Variants in CAMK1D observed in about 807,000 individuals in gnomAD.
The protein encoded by CAMK1D is calcium/calmodulin dependent protein kinase ID.
A neutral mutation model predicts 47.7 loss-of-function variants in CAMK1D; 9 were observed. The observed-to-expected ratio is 0.19, with a 90% CI of 0.11 to 0.33. The LOEUF (loss-of-function observed/expected upper bound fraction) is 0.33. Among genes scored for constraint, CAMK1D ranks in the 10% least tolerant of loss-of-function variants. The pLI is 1.00. For synonymous variants in CAMK1D, 184 were observed against 184.9 expected (o/e 0.99, Z 0.04); for missense variants, 291 against 488.7 (o/e 0.60, Z 3.81).
At chr10:12,382,840 C>T (rs2131876059) in intron 1 of CAMK1D, among the ~76,000 whole-genome samples, 1 of 152,182 alleles carries the variant, frequency 6.6e-6, no homozygotes, top group African/African-American at 2.4e-5. Context: ...AACAAACAAA[C>T]AAACATGACT....
chr10:12,439,265 C>T (rs1398880901), intron 1 of CAMK1D, among the ~76,000 whole-genome samples: 2 of 152,224 alleles, frequency 1.3e-5, no homozygotes, highest in Non-Finnish European at 2.9e-5. Flanking sequence ...GCATACGTCT[C>T]AGAGCCCTGA....
intron 3 of CAMK1D, among the ~76,000 whole-genome samples, chr10:12,694,154 T>A (rs1279674323): frequency 3.5e-5 from 2 of 57,106 alleles, no homozygotes; most frequent in African/African-American, 1.7e-4. Context: ...TAATATATAA[T>A]ATATATTATG....
intron 5 of CAMK1D, among the ~76,000 whole-genome samples, chr10:12,770,336 A>G (rs1487140732): frequency 6.6e-6 from 1 of 152,242 alleles, no homozygotes; most frequent in African/African-American, 2.4e-5. Flanking sequence ...TTTGTACTAA[A>G]CATCCAAAAT....
intron 3 of CAMK1D, among the ~76,000 whole-genome samples, chr10:12,667,404 A>G (rs1234816470): frequency 2.0e-5 from 3 of 152,284 alleles, no homozygotes; most frequent in African/African-American, 7.2e-5. Context: ...GATTACCAAA[A>G]GAGGGAAGAA....
At chr10:12,818,764 A>G (rs1832905678) in intron 8 of CAMK1D, among the ~76,000 whole-genome samples, 2 of 152,234 alleles carry the variant, frequency 1.3e-5, no homozygotes, top group South Asian at 2.1e-4. Flanking sequence ...TCTGATTCCA[A>G]AATGAATTCC....
chr10:12,563,669 G>A lies in CAMK1D; in HGVS notation c.224+10313G>A, dbSNP rs1837019711. Among the ~76,000 whole-genome samples the A allele has an allele frequency of 1.3e-4, 12 of 94,340 alleles. No homozygotes were observed. In the South Asian group the frequency reaches 3.1e-3, roughly 24 times the overall value. 61.9% of individuals were successfully genotyped at this position (94,340 alleles called of 152,430 possible). On this transcript the variant is annotated intron_variant, in intron 2 of 10. Transcript: ENST00000619168. Reference sequence around the variant, plus strand: ...TCCAGAAGAGGCGGAAGGTTTGAGAGAGAGAGAGAGAGAGAGAGAGAGAGA... The same window carrying A: ...TCCAGAAGAGGCGGAAGGTTTGAGAAAGAGAGAGAGAGAGAGAGAGAGAGA...
At chr10:12,509,762 G>C (rs1834986421) in intron 1 of CAMK1D, among the ~76,000 whole-genome samples, 1 of 152,126 alleles carries the variant, frequency 6.6e-6, no homozygotes, top group Admixed American at 6.5e-5. Flanking sequence ...AAAAGAATGT[G>C]ACTTCTAAGT....
At position 12,749,362 on chromosome 10, in the gene CAMK1D, A is replaced by G. The variant is rs555711259; in HGVS notation, c.300-11586A>G. ...GTTGTTAAAAATGTTGTCTTGTTGCAGTGTTCCCATTCGGTGTCACGTCGT... is the reference window on the plus strand; with the variant it reads ...GTTGTTAAAAATGTTGTCTTGTTGCGGTGTTCCCATTCGGTGTCACGTCGT... On this transcript the variant is annotated intron_variant, in intron 3 of 10. Transcript: ENST00000619168. Among the ~76,000 whole-genome samples the G allele has an allele frequency of 3.4e-3, 506 of 150,076 alleles. 1 individual carries two copies. Among genetic ancestry groups the G allele is most frequent in the African/African-American group, 0.012 (482 of 40,976 alleles).
chr10:12,350,210 C>T (rs1208143692), intron 1 of CAMK1D, among the ~76,000 whole-genome samples: 1 of 152,210 alleles, frequency 6.6e-6, no homozygotes, highest in Admixed American at 6.5e-5. Context: ...CTGCCTTCTC[C>T]CCACGCGTGA....
intron 1 of CAMK1D, among the ~76,000 whole-genome samples, chr10:12,510,015 AG>A (rs1402593634): frequency 1.3e-5 from 2 of 152,240 alleles, no homozygotes; most frequent in Non-Finnish European, 2.9e-5. Flanking sequence ...TACTGTAGGA[AG>A]GAAAGTCAGG....
At chr10:12,560,848 A>G (rs748700413) in intron 2 of CAMK1D, among the ~76,000 whole-genome samples, 3 of 152,118 alleles carry the variant, frequency 2.0e-5, no homozygotes, top group African/African-American at 7.2e-5. Flanking sequence ...GCAGGTGCAT[A>G]TCTTACAATT....
At chr10:12,349,958 C>T in intron 1 of CAMK1D, 48 bp downstream of exon 1, 1 of 1,159,014 alleles carries the variant, frequency 8.6e-7, no homozygotes, top group Non-Finnish European at 1.2e-6. Context: ...GCGGCAGGGG[C>T]TGCACGGGCA....
chr10:12,558,178 G>A (rs543977872), intron 2 of CAMK1D, among the ~76,000 whole-genome samples: 2 of 152,280 alleles, frequency 1.3e-5, no homozygotes, highest in South Asian at 2.1e-4. Context: ...AAACATCATC[G>A]GTGTTATTCT....
chr10:12,815,132 C>G (rs1242867015), intron 7 of CAMK1D, among the ~76,000 whole-genome samples: 1 of 152,194 alleles, frequency 6.6e-6, no homozygotes, highest in East Asian at 1.9e-4. Context: ...CAAAATCATA[C>G]AACTAGTAAG....
chr10:12,357,067 C>T (rs1588399406), intron 1 of CAMK1D, among the ~76,000 whole-genome samples: 1 of 152,284 alleles, frequency 6.6e-6, no homozygotes, highest in East Asian at 1.9e-4. Flanking sequence ...TCCTGCTTCT[C>T]CTCCTCTCTC....
chr10:12,592,739 C>T (rs1202465953), intron 2 of CAMK1D, among the ~76,000 whole-genome samples: 2 of 152,348 alleles, frequency 1.3e-5, no homozygotes. Context: ...TGCCAGCCTA[C>T]TGCTACTATT....
At chr10:12,357,197 A>C (rs1837543773) in intron 1 of CAMK1D, among the ~76,000 whole-genome samples, 1 of 152,034 alleles carries the variant, frequency 6.6e-6, no homozygotes, top group African/African-American at 2.4e-5. Context: ...TCTGAGACAG[A>C]GTCTTGCTCT....
chr10:12,601,198 T>TTTTTTTTC (rs1274562611), intron 2 of CAMK1D, among the ~76,000 whole-genome samples: 9 of 146,386 alleles, frequency 6.1e-5, no homozygotes, highest in Non-Finnish European at 1.4e-4. Context: ...TGTTTGTTTT[T>TTTTTTTTC]TTTTTTTTTT....
At chr10:12,382,652 C>G (rs765593496) in intron 1 of CAMK1D, among the ~76,000 whole-genome samples, 14 of 152,124 alleles carry the variant, frequency 9.2e-5, no homozygotes, top group Non-Finnish European at 1.9e-4. Context: ...TGGTAAAATC[C>G]CATCTCTACT....
Sources: allele counts gnomAD v4.1 joint callset (sites outside exome capture counted in the v4.1 genomes callset), GRCh38; gene constraint gnomAD v4.1.1; transcripts MANE v1.5; gene names NCBI Gene and HGNC (gene_info 2026-07-23, HGNC 2026-07-21).